Variants in ANKRD26 observed in about 807,000 individuals in gnomAD.
The protein encoded by ANKRD26 is ankyrin repeat domain 26.
Under a neutral mutation model 208.7 loss-of-function variants are expected in ANKRD26, and 141 were observed. The observed-to-expected ratio is 0.68, with a 90% CI of 0.59 to 0.78. ANKRD26 has a LOEUF of 0.78. Among genes scored for constraint, ANKRD26 ranks in the 30% least tolerant of loss-of-function variants. The probability of loss-of-function intolerance (pLI) is 0.00; values close to 1 mark genes in which losing one functional copy is unlikely to be tolerated. For missense variants in ANKRD26, 1,889 were observed against 1,938.7 expected (o/e 0.97, Z 0.48); for synonymous variants, 636 against 660.4 (o/e 0.96, Z 0.57).
intron 16 of ANKRD26, among the ~76,000 whole-genome samples, 180 bp downstream of exon 16, chr10:27,053,140 T>C (rs772932005): frequency 2.0e-5 from 3 of 152,166 alleles, no homozygotes; most frequent in Non-Finnish European, 2.9e-5. Context: ...AGATTAGCTA[T>C]AGGTTACTAC....
At chr10:27,061,584 G>A (rs1261013738) in intron 12 of ANKRD26, among the ~76,000 whole-genome samples, 12 of 122,990 alleles carry the variant, frequency 9.8e-5, no homozygotes, top group African/African-American at 3.8e-4. Flanking sequence ...TTTTGATACA[G>A]AGTCTCACTC....
chr10:27,048,771 T>A (rs1238613051), intron 17 of ANKRD26, 30 bp downstream of exon 17: 2 of 1,583,046 alleles, frequency 1.3e-6, no homozygotes, highest in East Asian at 4.5e-5. Context: ...CAATAACAAT[T>A]ATCTGCTGTT....
chr10:27,056,310 TG>T (rs1256470196), intron 15 of ANKRD26, among the ~76,000 whole-genome samples: 1 of 152,056 alleles, frequency 6.6e-6, no homozygotes, highest in Non-Finnish European at 1.5e-5. Flanking sequence ...CCTGAGCAGC[TG>T]GGATTACAGG....
the ANKRD26 span, among the ~76,000 whole-genome samples, chr10:26,960,160 A>G: frequency 1.2e-3 from 175 of 151,370 alleles, no homozygotes; most frequent in African/African-American, 3.3e-3. Context: ...AAAAAAAAAA[A>G]GGGGGGGTAG....
intron 4 of ANKRD26, among the ~76,000 whole-genome samples, chr10:26,996,906 T>C (rs1000877063): frequency 6.6e-6 from 1 of 152,200 alleles, no homozygotes; most frequent in African/African-American, 2.4e-5. Context: ...TTTCTGTCTT[T>C]AGTTTATTTC....
chr10:27,088,692 G>T (rs761332420), intron 4 of ANKRD26, among the ~76,000 whole-genome samples: 1 of 152,128 alleles, frequency 6.6e-6, no homozygotes, highest in Non-Finnish European at 1.5e-5. Flanking sequence ...CACTACCTAA[G>T]AAAATGTGCT....
intron 27 of ANKRD26, among the ~76,000 whole-genome samples, chr10:27,028,311 A>T (rs1372284222): frequency 1.3e-5 from 2 of 152,038 alleles, no homozygotes; most frequent in Non-Finnish European, 2.9e-5. Context: ...ATATTCATAA[A>T]AGTGGCCGGG....
chr10:26,995,366 C>A (rs537050963), intron 4 of ANKRD26, among the ~76,000 whole-genome samples: 1 of 152,314 alleles, frequency 6.6e-6, no homozygotes, highest in African/African-American at 2.4e-5. Flanking sequence ...ATGTTGCTCT[C>A]ATACAGTGAG....
At chr10:26,977,461 A>G (rs755155541) in intron 5 of ANKRD26, among the ~76,000 whole-genome samples, 3 of 152,228 alleles carry the variant, frequency 2.0e-5, no homozygotes, top group Admixed American at 6.5e-5. Flanking sequence ...CCACAGACTC[A>G]GAAGATATAA....
chr10:26,957,424 G>A, the ANKRD26 span, among the ~76,000 whole-genome samples: 7 of 151,982 alleles, frequency 4.6e-5, no homozygotes, highest in South Asian at 2.1e-4. Context: ...AAAGAAAGAC[G>A]AATAGATTAT....
At chr10:26,990,416 A>G (rs2052465350), downstream of ANKRD26, among the ~76,000 whole-genome samples, 1 of 152,152 alleles carries the variant, frequency 6.6e-6, no homozygotes, top group Non-Finnish European at 1.5e-5. Context: ...AGTGTATCAC[A>G]CCCAAAGTGT....
downstream of ANKRD26, among the ~76,000 whole-genome samples, chr10:26,972,190 G>T (rs563091786): frequency 1.3e-5 from 2 of 149,406 alleles, no homozygotes; most frequent in African/African-American, 5.0e-5. Context: ...AGCCGAGATC[G>T]TGCCACTGCA....
intron 3 of ANKRD26, among the ~76,000 whole-genome samples, chr10:26,983,080 C>A (rs1483467578): frequency 6.6e-6 from 1 of 152,170 alleles, no homozygotes; most frequent in African/African-American, 2.4e-5. Flanking sequence ...ATATCTAACG[C>A]CATACAATTT....
chr10:27,047,024 C>T (rs2054472740), intron 17 of ANKRD26, among the ~76,000 whole-genome samples: 2 of 151,994 alleles, frequency 1.3e-5, no homozygotes, highest in Admixed American at 6.6e-5. Context: ...GTGAATGCTA[C>T]ACTAAACTTG....
intron 7 of ANKRD26, among the ~76,000 whole-genome samples, chr10:27,078,019 T>C (rs1267341566): frequency 6.6e-6 from 1 of 152,204 alleles, no homozygotes; most frequent in African/African-American, 2.4e-5. Context: ...TAGAGTATTA[T>C]AAAAGTCAAA....
At chr10:27,026,124 A>G (rs2053649904) in intron 27 of ANKRD26, among the ~76,000 whole-genome samples, 1 of 152,184 alleles carries the variant, frequency 6.6e-6, no homozygotes, top group Non-Finnish European at 1.5e-5. Flanking sequence ...CCTTTTCCAT[A>G]AAGACATGAG....
the ANKRD26 span, among the ~76,000 whole-genome samples, chr10:26,966,899 G>C: frequency 6.6e-6 from 1 of 151,960 alleles, no homozygotes; most frequent in African/African-American, 2.4e-5. Context: ...AAATCAAAAA[G>C]ATTTTCAGTG....
chr10:26,976,052 A>G (rs536338310), intron 5 of ANKRD26, among the ~76,000 whole-genome samples: 33 of 152,166 alleles, frequency 2.2e-4, no homozygotes, highest in South Asian at 1.2e-3. Flanking sequence ...GCTAAAAAAA[A>G]TAAATAAAAG....
chr10:26,948,725 C>T, the ANKRD26 span, among the ~76,000 whole-genome samples: 5 of 152,306 alleles, frequency 3.3e-5, no homozygotes, highest in South Asian at 2.1e-4. Context: ...TGCTGGCTCA[C>T]GCCTGTAATC....
Sources: allele counts gnomAD v4.1 joint callset (sites outside exome capture counted in the v4.1 genomes callset), GRCh38; gene constraint gnomAD v4.1.1; transcripts MANE v1.5; gene names NCBI Gene and HGNC (gene_info 2026-07-23, HGNC 2026-07-21).